The following ERCC2 variants were observed in gnomAD, a reference collection of about 807,000 sequenced individuals.
The protein encoded by ERCC2 is general transcription and DNA repair factor IIH helicase subunit XPD.
A neutral mutation model predicts 99.4 loss-of-function variants in ERCC2; 90 were observed. The ratio of observed to expected loss-of-function variants is 0.91; its 90% CI spans 0.76 to 1.08. The LOEUF is 1.08. Ranked by LOEUF, ERCC2 falls within the 50% of genes least tolerant of loss-of-function variation. The pLI is 0.00. For synonymous variants in ERCC2, 497 were observed against 432.4 expected (o/e 1.15, Z -1.85); for missense variants, 993 against 1,038.1 (o/e 0.96, Z 0.60).
rs747364527 is a variant in ERCC2 at position 45,364,419 on chromosome 19, C to A, written c.718+5G>T. 1.2e-6 allele frequency: 2 copies of A among 1,613,920 alleles called. No individual in the cohort carries two copies. Among genetic ancestry groups the A allele is most frequent in the East Asian group, 2.2e-5 (1 of 44,876 alleles). On this transcript the variant is annotated splice_donor_5th_base_variant and intron_variant, in intron 8 of 22. Coordinates refer to ENST00000391945, the MANE Select transcript of ERCC2 (RefSeq NM_000400.4). ...CATCCCTTTGGCCCCTGGCGCCCCC[C>A]TCACCAATGTTGTGGGCCTCGTCGA...
rs1275243696 is a variant in ERCC2, at chr19:45,350,808, CCCCCA to C, written c.*816_*820del. ...TCAGCAGAATCCACAGCCCACCCCACCCCCACCCCCATCTTGCTCAAGAACCTTCC... is the reference window on the plus strand; with the variant it reads ...TCAGCAGAATCCACAGCCCACCCCACCCCCCATCTTGCTCAAGAACCTTCC... On this transcript the variant is annotated 3_prime_UTR_variant, in exon 23 of 23. Transcript: ENST00000391945. The C allele has an allele frequency of 2.1e-3, 2,739 of 1,329,288 alleles. 8 individuals are homozygous for C. Among genetic ancestry groups the C allele is most frequent in the Middle Eastern group, 9.3e-3 (49 of 5,294 alleles). 82.3% of individuals were successfully genotyped at this position (1,329,288 alleles called of 1,614,324 possible). A position where few individuals can be genotyped will look rare whatever the true frequency, so the allele number is the denominator to read the frequency against.
At position 45,357,501 on chromosome 19, in the gene ERCC2, A is replaced by G. The variant is rs923498295; in HGVS notation, c.1350T>C (p.Arg450=). The change falls in exon 14 of 23, where the codon CGT becomes CGC. Residue 450 remains arginine, a synonymous_variant. Transcript: ENST00000391945. The stretch of plus-strand genomic sequence containing the variant: ...CAGATGTGATGATGACAGACTGGAA[A>G]CGCTCAAATACGGGTTTGATGGCCA... ...ASLAIKPVFE[R]FQSVIITSGT... 47 of 1,614,102 alleles carry G rather than the reference A, an allele frequency of 2.9e-5. No individual in the cohort carries two copies. Among genetic ancestry groups the G allele is most frequent in the Non-Finnish European group, 4.0e-5 (47 of 1,179,976 alleles).
Position 45,359,084 on chromosome 19 carries a change from CTG to C in ERCC2, c.1238-1387_1238-1386del, listed in dbSNP as rs1226831270. The C allele has an allele frequency of 1.0e-5, 6 of 597,844 alleles. No individual in the cohort carries two copies. In the Admixed American group the frequency reaches 1.8e-4, roughly 18 times the overall value. 37.0% of individuals were successfully genotyped at this position (597,844 alleles called of 1,614,324 possible). A position where few individuals can be genotyped will look rare whatever the true frequency, so the allele number is the denominator to read the frequency against. The stretch of plus-strand genomic sequence containing the variant: ...CAGACTTGTCCTCAGATAGTGATGA[CTG>C]AGAGTGGGCAGTGCTGGGACAGAGG... On this transcript the variant is annotated intron_variant, in intron 12 of 22. Coordinates refer to ENST00000391945, the MANE Select transcript of ERCC2 (RefSeq NM_000400.4).
rs376578088 is a variant in ERCC2, at chr19:45,362,368, C to G, written c.1119-726G>C. Among the ~76,000 whole-genome samples, 13 of 152,330 alleles carry G rather than the reference C, an allele frequency of 8.5e-5. No individual in the cohort carries two copies. In the East Asian group the frequency reaches 2.1e-3, roughly 25 times the overall value. ...TCTCACGCACCTATGGGGACACACA[C>G]GGTGTCGGAACCCCATGGGCTCACA... On this transcript the variant is annotated intron_variant, in intron 11 of 22. Transcript: ENST00000391945.
Position 45,351,545 on chromosome 19 carries a change from C to T in ERCC2, c.*84G>A, listed in dbSNP as rs530433204. 6.2e-7 allele frequency: 1 copy of T among 1,606,098 alleles called. No homozygotes were observed. The highest frequency in any genetic ancestry group is 2.2e-5 in the East Asian group (1 of 44,872). ...GAAATGTCACCTGACTTCATAAGACCTTCTAGCACCACCGCCGCTGGGAAC... is the reference window on the plus strand; with the variant it reads ...GAAATGTCACCTGACTTCATAAGACTTTCTAGCACCACCGCCGCTGGGAAC... On this transcript the variant is annotated 3_prime_UTR_variant, in exon 23 of 23. Coordinates refer to ENST00000391945, the MANE Select transcript of ERCC2 (RefSeq NM_000400.4).
At position 45,364,306 on chromosome 19, in the gene ERCC2, G is replaced by A. The variant is rs754792441; in HGVS notation, c.744C>T (p.Ser248=). ...NIDNVCIDSM[S]VNLTRRTLDR... ...CAAGGGTCCGGCGGGTGAGGTTGAC[G>A]CTCATGGAGTCGATGCAGACGTTGT... is the stretch of plus-strand genomic sequence containing the variant. Residue 248 remains serine (S), a synonymous_variant, in exon 9 of 23, where the codon AGC becomes AGT. Transcript: ENST00000391945. 2.0e-5 allele frequency: 32 copies of A among 1,613,910 alleles called. No homozygotes were observed. The highest frequency in any genetic ancestry group is 3.3e-5 in the Admixed American group (2 of 60,006).
chr19:45,357,000 C>T (rs1194588135), intron 15 of ERCC2, among the ~76,000 whole-genome samples: 2 of 152,182 alleles, frequency 1.3e-5, no homozygotes, highest in African/African-American at 4.8e-5. Context: ...CCTGGGCGAC[C>T]TAAGTGGTTT....
chr19:45,351,746 A>AG (rs749670078), intron 22 of ERCC2, 25 bp from the exon 23 acceptor site: 18 of 1,609,374 alleles, frequency 1.1e-5, no homozygotes, highest in Admixed American at 8.3e-5. Context: ...GGAAAGGGAG[A>AG]GGGGGGCACT....
intron 4 of ERCC2, 55 bp downstream of exon 4, chr19:45,368,875 C>T: frequency 3.8e-6 from 6 of 1,599,490 alleles, no homozygotes; most frequent in Non-Finnish European, 5.1e-6. Flanking sequence ...GCCAGGGGGA[C>T]CAATAGGGCC....
chr19:45,363,737 C>A lies in ERCC2; in HGVS notation c.1118+6G>T. On this transcript the variant is annotated splice_donor_region_variant and intron_variant, in intron 11 of 22. Coordinates refer to ENST00000391945, the MANE Select transcript of ERCC2 (RefSeq NM_000400.4). ...CCCCCACCCCGCGCGCTGTCTGGGG[C>A]CGCACCTGAGGGGCTTGCGCTGGAT... The A allele has an allele frequency of 6.5e-7, 1 of 1,530,974 alleles. No homozygotes were observed. The highest frequency in any genetic ancestry group is 2.0e-5 in the Admixed American group (1 of 50,876). The allele number at this position is 1,530,974 out of a possible 1,614,324, so 94.8% of individuals were successfully genotyped here.
chr19:45,366,850 A>G (rs367659295), intron 5 of ERCC2, among the ~76,000 whole-genome samples: 1 of 152,140 alleles, frequency 6.6e-6, no homozygotes, highest in African/African-American at 2.4e-5. Flanking sequence ...CCCGGCCAAC[A>G]TGATGAAACC....
intron 11 of ERCC2, among the ~76,000 whole-genome samples, chr19:45,362,682 C>T (rs1334610414): frequency 6.6e-6 from 1 of 152,258 alleles, no homozygotes; most frequent in African/African-American, 2.4e-5. Context: ...CGGCTGTGTC[C>T]CCAGCATGAA....
At chr19:45,352,680 G>GGT in intron 20 of ERCC2, 31 bp from the exon 21 acceptor site, 1 of 1,614,002 alleles carries the variant, frequency 6.2e-7, no homozygotes. Context: ...AAGCTGGGGA[G>GGT]GTGGGGGAGC....
chr19:45,367,684 A>AT (rs1331346212), intron 5 of ERCC2, among the ~76,000 whole-genome samples: 1 of 150,722 alleles, frequency 6.6e-6, no homozygotes, highest in Non-Finnish European at 1.5e-5. Context: ...TAATTTTTCA[A>AT]TTTTTTTTCA....
chr19:45,355,943 C>T (rs999583147), intron 15 of ERCC2, among the ~76,000 whole-genome samples: 1 of 152,064 alleles, frequency 6.6e-6, no homozygotes, highest in African/African-American at 2.4e-5. Flanking sequence ...GCATGAGCCA[C>T]CACACCCAGT....
intron 12 of ERCC2, chr19:45,358,414 G>T: frequency 4.7e-6 from 1 of 210,876 alleles, no homozygotes; most frequent in Non-Finnish European, 9.7e-6. Flanking sequence ...ACCCCACGCG[G>T]GGCCAGCCAC....
chr19:45,359,070 T>C, intron 12 of ERCC2: 1 of 600,684 alleles, frequency 1.7e-6, no homozygotes, highest in Non-Finnish European at 3.0e-6. Context: ...AGACTTGTCC[T>C]CAGATAGTGA....
Position 45,364,373 on chromosome 19 carries a change from G to A in ERCC2, c.719-42C>T, listed in dbSNP as rs767572864. The A allele has an allele frequency of 7.4e-6, 12 of 1,613,730 alleles. No homozygotes were observed. The Middle Eastern group carries it at 4.9e-4, about 66-fold the overall frequency. ...GAGCCGGCTCAGGCAGGCCTGCAGG[G>A]GCCTCACTCAGAGGGGCTGGCATCC... is the stretch of plus-strand genomic sequence containing the variant. On this transcript the variant is annotated intron_variant, in intron 8 of 22. Transcript: ENST00000391945.
chr19:45,362,663 G>A (rs970355809), intron 11 of ERCC2, among the ~76,000 whole-genome samples: 1 of 152,252 alleles, frequency 6.6e-6, no homozygotes, highest in Non-Finnish European at 1.5e-5. Flanking sequence ...CTGGGCCATG[G>A]AGCCTCTACG....
Sources: gnomAD v4.1 joint callset for allele counts (sites outside exome capture counted in the v4.1 genomes callset) on GRCh38, gnomAD v4.1.1 for gene constraint, MANE v1.5 for transcripts, NCBI Gene and HGNC (gene_info 2026-07-23, HGNC 2026-07-21) for gene names.